Variants in NCAM2 observed in about 807,000 individuals in gnomAD.
NCAM2 encodes the protein neural cell adhesion molecule 2, also known as N-CAM-2.
NCAM2 carries 30 observed loss-of-function variants against 98.1 expected under a neutral mutation model. The ratio of observed to expected loss-of-function variants is 0.31; its 90% CI spans 0.23 to 0.41. The LOEUF (loss-of-function observed/expected upper bound fraction) is 0.41, where lower values mean the gene tolerates loss of function less well. Among genes scored for constraint, NCAM2 ranks in the 10% least tolerant of loss-of-function variants. The pLI is 1.00. For missense variants in NCAM2, 867 were observed against 1,005.8 expected (o/e 0.86, Z 1.87); for synonymous variants, 368 against 342.4 (o/e 1.07, Z -0.83).
chr21:21,330,502 A>G (rs2074643484), intron 6 of NCAM2, among the ~76,000 whole-genome samples: 1 of 152,012 alleles, frequency 6.6e-6, no homozygotes, highest in African/African-American at 2.4e-5. Flanking sequence ...AGACTTTTTA[A>G]TGGTTTCAAT....
intron 1 of NCAM2, among the ~76,000 whole-genome samples, chr21:21,094,999 C>G (rs1019524170): frequency 2.0e-4 from 31 of 151,740 alleles, no homozygotes; most frequent in African/African-American, 7.2e-4. Context: ...TTAGCTTTCT[C>G]TATATATAGA....
intron 1 of NCAM2, among the ~76,000 whole-genome samples, chr21:21,235,864 C>A (rs183440263): frequency 1.4e-4 from 22 of 152,082 alleles, no homozygotes; most frequent in African/African-American, 5.3e-4. Flanking sequence ...TGTTATATGT[C>A]CTCAGAGAAC....
At chr21:21,048,454 G>T (rs372535130) in intron 1 of NCAM2, among the ~76,000 whole-genome samples, 5 of 151,908 alleles carry the variant, frequency 3.3e-5, no homozygotes, top group African/African-American at 1.2e-4. Context: ...CAGGGTTCAC[G>T]CCATTCTCCT....
chr21:21,044,001 A>C (rs575227045), intron 1 of NCAM2, among the ~76,000 whole-genome samples: 4 of 151,624 alleles, frequency 2.6e-5, no homozygotes, highest in African/African-American at 9.7e-5. Flanking sequence ...TTTTTTAATC[A>C]TTTTAGCTGT....
intron 1 of NCAM2, among the ~76,000 whole-genome samples, chr21:21,132,800 A>G (rs1231718210): frequency 8.1e-6 from 1 of 124,108 alleles, no homozygotes; most frequent in Non-Finnish European, 1.7e-5. Context: ...TTGCAACATA[A>G]TGAATATTTT....
chr21:21,115,899 A>G (rs992210578), intron 1 of NCAM2, among the ~76,000 whole-genome samples: 2 of 152,076 alleles, frequency 1.3e-5, no homozygotes, highest in Non-Finnish European at 2.9e-5. Context: ...ATTTTTGGAA[A>G]TAAGAAGTTC....
chr21:21,005,964 A>G (rs1039239730), intron 1 of NCAM2, among the ~76,000 whole-genome samples: 2 of 152,092 alleles, frequency 1.3e-5, no homozygotes, highest in Non-Finnish European at 2.9e-5. Context: ...GAGCATTTTT[A>G]CTCATTATCT....
intron 14 of NCAM2, among the ~76,000 whole-genome samples, chr21:21,475,073 T>C (rs1984993266): frequency 6.6e-6 from 1 of 151,532 alleles, no homozygotes; most frequent in South Asian, 2.1e-4. Flanking sequence ...TTTTAAAAAT[T>C]TATATGAAAC....
intron 4 of NCAM2, among the ~76,000 whole-genome samples, chr21:21,288,005 C>T (rs2073161208): frequency 6.6e-6 from 1 of 151,766 alleles, no homozygotes; most frequent in Non-Finnish European, 1.5e-5. Flanking sequence ...CAGGACCTCC[C>T]ACAGATACCA....
intron 9 of NCAM2, among the ~76,000 whole-genome samples, chr21:21,408,260 A>G (rs1244324049): frequency 6.6e-6 from 1 of 152,172 alleles, no homozygotes; most frequent in Admixed American, 6.6e-5. Flanking sequence ...GAACTCAGTC[A>G]GTTGAAGGGA....
At position 21,002,526 on chromosome 21, in the gene NCAM2, G is replaced by A. The variant is rs142911044; in HGVS notation, c.55+3908G>A. On this transcript the variant is annotated intron_variant, in intron 1 of 17. Transcript: ENST00000400546. ...GTGTAATTTGTTTTTGCCTGTCCTC[G>A]TGTGGAAGCAGTGCAAATAGTAACA... Among the ~76,000 whole-genome samples the A allele has an allele frequency of 5.0e-3, 766 of 152,230 alleles. 3 individuals are homozygous for A. The highest frequency in any genetic ancestry group is 8.1e-3 in the Non-Finnish European group (552 of 67,994).
chr21:21,499,303 G>A (rs1021831028), intron 15 of NCAM2, among the ~76,000 whole-genome samples: 7 of 152,074 alleles, frequency 4.6e-5, no homozygotes, highest in African/African-American at 1.4e-4. Flanking sequence ...GTGCAGTGGC[G>A]TGATCTCGGC....
chr21:21,055,288 T>G (rs2065189263), intron 1 of NCAM2, among the ~76,000 whole-genome samples: 1 of 152,016 alleles, frequency 6.6e-6, no homozygotes, highest in African/African-American at 2.4e-5. Context: ...GATTATCCTG[T>G]GAAATCATTC....
At chr21:21,386,470 G>A (rs1460567090) in intron 9 of NCAM2, among the ~76,000 whole-genome samples, 1 of 152,110 alleles carries the variant, frequency 6.6e-6, no homozygotes, top group Non-Finnish European at 1.5e-5. Context: ...TAGGTTTTAT[G>A]TCCAGTATGG....
intron 1 of NCAM2, among the ~76,000 whole-genome samples, chr21:21,075,855 G>A (rs978901911): frequency 7.9e-5 from 12 of 152,070 alleles, no homozygotes; most frequent in Non-Finnish European, 1.0e-4. Flanking sequence ...GGTGGCTCAC[G>A]CCTGTAATCC....
In NCAM2 at chr21:21,067,501, A is replaced by G. The variant is rs1206786413; in HGVS notation, c.55+68883A>G. Among the ~76,000 whole-genome samples the G allele has an allele frequency of 2.6e-5, 4 of 152,168 alleles. No homozygotes were observed. The South Asian group carries it at 6.2e-4, about 24-fold the overall frequency. ...ACCATATGAATGTGCATTTTCCAAC[A>G]TTTCACTCAGTTCTTCTCAATATGT... is the stretch of plus-strand genomic sequence containing the variant. On this transcript the variant is annotated intron_variant, in intron 1 of 17. Transcript: ENST00000400546.
At chr21:21,374,968 A>G (rs2075999117) in intron 9 of NCAM2, among the ~76,000 whole-genome samples, 1 of 151,598 alleles carries the variant, frequency 6.6e-6, no homozygotes, top group Admixed American at 6.6e-5. Context: ...CAAGAAATTC[A>G]TGGAAAGACC....
At chr21:21,177,176 A>C (rs559782355) in intron 1 of NCAM2, among the ~76,000 whole-genome samples, 2 of 152,140 alleles carry the variant, frequency 1.3e-5, no homozygotes, top group African/African-American at 4.8e-5. Context: ...TACAGCAGAA[A>C]CTTAAATGAA....
intron 8 of NCAM2, among the ~76,000 whole-genome samples, chr21:21,366,057 A>C (rs528757492): frequency 3.9e-5 from 6 of 152,156 alleles, no homozygotes; most frequent in African/African-American, 1.4e-4. Flanking sequence ...AAAGGCTCAG[A>C]ATGGGACTTT....
Sources: allele counts gnomAD v4.1 joint callset (sites outside exome capture counted in the v4.1 genomes callset), GRCh38; gene constraint gnomAD v4.1.1; transcripts MANE v1.5; gene names NCBI Gene and HGNC (gene_info 2026-07-23, HGNC 2026-07-21).